The following CNEP1R1 variants were observed in gnomAD, a reference collection of about 807,000 sequenced individuals.
CNEP1R1 encodes the protein nuclear envelope phosphatase-regulatory subunit 1.
A neutral mutation model predicts 22.7 loss-of-function variants in CNEP1R1; 10 were observed. The ratio of observed to expected loss-of-function variants is 0.44; its 90% CI spans 0.27 to 0.75. The LOEUF is 0.75. Among genes scored for constraint, CNEP1R1 ranks in the 30% least tolerant of loss-of-function variants. The pLI, the probability that CNEP1R1 is intolerant of heterozygous loss-of-function variation, is 0.17. For synonymous variants in CNEP1R1, 53 were observed against 50.1 expected (o/e 1.06, Z -0.25); for missense variants, 73 against 151.5 (o/e 0.48, Z 2.72).
intron 5 of CNEP1R1, among the ~76,000 whole-genome samples, chr16:50,034,954 T>C (rs1261996087): frequency 6.6e-6 from 1 of 152,200 alleles, no homozygotes; most frequent in African/African-American, 2.4e-5. Context: ...TCTCACAATT[T>C]TGATAGGTAG....
Position 50,025,261 on chromosome 16 carries a change from C to T in CNEP1R1, c.-55C>T, listed in dbSNP as rs898097277. ...TTGGCGCTGCGGGCCGGGCGGGGGC[C>T]GCGGAAGCTGCGATGCGGACAGGGC... On this transcript the variant is annotated 5_prime_UTR_variant, in exon 1 of 6. Transcript: ENST00000427478. 12 of 1,383,926 alleles carry T rather than the reference C, an allele frequency of 8.7e-6. No homozygotes were observed. In the African/African-American group the frequency reaches 1.1e-4, roughly 12 times the overall value. The allele number at this position is 1,383,926 out of a possible 1,614,324, so 85.7% of individuals were successfully genotyped here.
At chr16:50,029,868 G>A (rs2036216983) in intron 3 of CNEP1R1, 70 bp downstream of exon 3, 1 of 897,466 alleles carries the variant, frequency 1.1e-6, no homozygotes, top group Admixed American at 2.0e-5. Flanking sequence ...CTTTGTTAAT[G>A]ATAAAGTATT....
At chr16:50,026,359 G>C in intron 1 of CNEP1R1, 37 bp from the exon 2 acceptor site, 1 of 1,437,922 alleles carries the variant, frequency 7.0e-7, no homozygotes, top group Non-Finnish European at 9.7e-7. Context: ...AGACGAGTAA[G>C]AGTGGCTAAT....
chr16:50,030,315 A>T (rs113566492), intron 3 of CNEP1R1, among the ~76,000 whole-genome samples: 95 of 152,146 alleles, frequency 6.2e-4, no homozygotes, highest in African/African-American at 1.9e-3. Context: ...AGCATGCTGT[A>T]CCCAGCTACT....
At chr16:50,025,547 G>T in intron 1 of CNEP1R1, 1 of 1,226,374 alleles carries the variant, frequency 8.2e-7, no homozygotes, top group East Asian at 2.5e-5. Context: ...CAAACCTAGA[G>T]GGTCGACCTC....
chr16:50,034,708 C>T (rs2036260844), intron 5 of CNEP1R1: 1 of 155,272 alleles, frequency 6.4e-6, no homozygotes, highest in Non-Finnish European at 1.4e-5. Flanking sequence ...TGAGACCAGC[C>T]TGGGCAACAT....
At position 50,025,344 on chromosome 16, in the gene CNEP1R1, G is replaced by C. The variant is rs2036169652; in HGVS notation, c.25+4G>C. 16 of 1,437,570 alleles carry C rather than the reference G, an allele frequency of 1.1e-5. No homozygotes were observed. The highest frequency in any genetic ancestry group is 1.5e-5 in the Non-Finnish European group (16 of 1,098,804). The allele number at this position is 1,437,570 out of a possible 1,614,324, so 89.1% of individuals were successfully genotyped here. ...AACTCGCTGGAGCAGGCGGAAGGTA[G>C]GGTGGGCCGCCCGGGCCCGTCCCCC... On this transcript the variant is annotated splice_donor_region_variant and intron_variant, in intron 1 of 5. Transcript: ENST00000427478.
intron 1 of CNEP1R1, chr16:50,025,798 T>A (rs2036177226): frequency 9.7e-7 from 1 of 1,029,348 alleles, no homozygotes; most frequent in African/African-American, 1.6e-5. Context: ...GCCCCTGTCT[T>A]CTAGAACTAG....
chr16:50,025,503 G>C, intron 1 of CNEP1R1, 163 bp downstream of exon 1: 6 of 1,079,598 alleles, frequency 5.6e-6, no homozygotes, highest in Non-Finnish European at 8.0e-6. Flanking sequence ...CTGGCCAGAC[G>C]CGGGGGGCGG....
At chr16:50,030,451 GA>G (rs1425343870) in intron 3 of CNEP1R1, among the ~76,000 whole-genome samples, 2 of 151,956 alleles carry the variant, frequency 1.3e-5, no homozygotes, top group African/African-American at 2.4e-5. Context: ...AAGAGGGAGA[GA>G]AAAAAATTGT....
In CNEP1R1 at chr16:50,025,260, C is replaced by G. The variant is rs371030966; in HGVS notation, c.-56C>G. ...GTTGGCGCTGCGGGCCGGGCGGGGG[C>G]CGCGGAAGCTGCGATGCGGACAGGG... is the stretch of plus-strand genomic sequence containing the variant. On this transcript the variant is annotated 5_prime_UTR_variant, in exon 1 of 6. Transcript: ENST00000427478. 4.2e-5 allele frequency: 58 copies of G among 1,381,438 alleles called. No homozygotes were observed. In the East Asian group the frequency reaches 5.0e-4, roughly 12 times the overall value. 85.6% of individuals were successfully genotyped at this position (1,381,438 alleles called of 1,614,324 possible).
At chr16:50,026,683 CAT>C (rs2036186845) in intron 2 of CNEP1R1, 4 of 532,640 alleles carry the variant, frequency 7.5e-6, no homozygotes, top group Non-Finnish European at 1.3e-5. Context: ...CATTAAAAAA[CAT>C]ATTTTTTGGC....
rs182751999 is a variant in CNEP1R1 at position 50,025,851 on chromosome 16, G to A, written c.25+511G>A. ...CGAAGATCACCTGTACCCCTTCGGAGGGGGCAAGGGGAATGTCTTTCCACA... is the reference window on the plus strand; with the variant it reads ...CGAAGATCACCTGTACCCCTTCGGAAGGGGCAAGGGGAATGTCTTTCCACA... On this transcript the variant is annotated intron_variant, in intron 1 of 5. Transcript: ENST00000427478. The A allele has an allele frequency of 1.4e-5, 9 of 633,904 alleles. No individual in the cohort carries two copies. The African/African-American group carries it at 1.6e-4, about 12-fold the overall frequency. The allele number at this position is 633,904 out of a possible 1,614,324, so 39.3% of individuals were successfully genotyped here. A position where few individuals can be genotyped will look rare whatever the true frequency, so the allele number is the denominator to read the frequency against.
intron 2 of CNEP1R1, among the ~76,000 whole-genome samples, chr16:50,028,624 T>C (rs1245432833): frequency 1.3e-5 from 2 of 152,228 alleles, no homozygotes; most frequent in Non-Finnish European, 2.9e-5. Context: ...AAATGTGATA[T>C]AAATATACTT....
chr16:50,025,908 A>G, intron 1 of CNEP1R1: 1 of 575,244 alleles, frequency 1.7e-6, no homozygotes, highest in Non-Finnish European at 3.1e-6. Context: ...GAAGTCTAGT[A>G]AGGCCAGACG....
chr16:50,027,336 C>T (rs181359687), intron 2 of CNEP1R1, among the ~76,000 whole-genome samples: 8 of 151,874 alleles, frequency 5.3e-5, no homozygotes, highest in Admixed American at 4.6e-4. Flanking sequence ...GGTGAAACCC[C>T]GTCTCTACTA....
rs1355460629 is a variant in CNEP1R1, at chr16:50,025,632, T to C, written c.25+292T>C. ...TCGTGCATTGCAGCCTGCTAATTCA[T>C]TTCATTTCATTCTCACAGCCCCGCG... On this transcript the variant is annotated intron_variant, in intron 1 of 5. Coordinates refer to ENST00000427478, the MANE Select transcript of CNEP1R1 (RefSeq NM_001281789.2). 4.4e-6 allele frequency: 7 copies of C among 1,609,140 alleles called. No individual in the cohort carries two copies. In the African/African-American group the frequency reaches 9.4e-5, roughly 21 times the overall value.
rs770163275 is a variant in CNEP1R1, at chr16:50,035,468, C to G, written c.*10C>G. On this transcript the variant is annotated 3_prime_UTR_variant, in exon 6 of 6. Coordinates refer to ENST00000427478, the MANE Select transcript of CNEP1R1 (RefSeq NM_001281789.2). ...GCCTCATGTTCAATGACAATCTTCA[C>G]TCATTGTTATGGGACTTAAAATAGC... 2 of 1,572,470 alleles carry G rather than the reference C, an allele frequency of 1.3e-6. No individual in the cohort carries two copies.
chr16:50,032,878 G>A (rs1365175373), intron 3 of CNEP1R1, among the ~76,000 whole-genome samples: 3 of 152,096 alleles, frequency 2.0e-5, no homozygotes, highest in South Asian at 2.1e-4. Context: ...GGTGGTGGGC[G>A]CCTGTAATCC....
Sources: allele counts gnomAD v4.1 joint callset (sites outside exome capture counted in the v4.1 genomes callset), GRCh38; gene constraint gnomAD v4.1.1; transcripts MANE v1.5; gene names NCBI Gene and HGNC (gene_info 2026-07-23, HGNC 2026-07-21).